Variants in RUNX1 observed in about 807,000 individuals in gnomAD.
The protein encoded by RUNX1 is runt-related transcription factor 1.
A neutral mutation model predicts 42.8 loss-of-function variants in RUNX1; 19 were observed. The observed-to-expected ratio is 0.44, with a 90% CI of 0.31 to 0.65. The LOEUF (loss-of-function observed/expected upper bound fraction) is 0.65, where lower values mean the gene tolerates loss of function less well. Among genes scored for constraint, RUNX1 ranks in the 30% least tolerant of loss-of-function variants. The probability of loss-of-function intolerance (pLI) is 0.07; values close to 1 mark genes in which losing one functional copy is unlikely to be tolerated. For synonymous variants in RUNX1, 271 were observed against 289.4 expected (o/e 0.94, Z 0.64); for missense variants, 528 against 672.0 (o/e 0.79, Z 2.37).
intron 2 of RUNX1, among the ~76,000 whole-genome samples, chr21:35,042,942 A>ATCAT (rs2059369860): frequency 6.6e-6 from 1 of 152,184 alleles, no homozygotes; most frequent in Non-Finnish European, 1.5e-5. Flanking sequence ...CCTTTCTGGC[A>ATCAT]TCATTACTCA....
At chr21:34,931,370 ATATATAATATATACATG>A (rs1488329048) in intron 2 of RUNX1, among the ~76,000 whole-genome samples, 6 of 146,666 alleles carry the variant, frequency 4.1e-5, no homozygotes, top group South Asian at 2.1e-4. Context: ...ATATATGTGT[ATATATAATATATACATG>A]TATATAATAT....
intron 2 of RUNX1, 63 bp from the exon 3 acceptor site, chr21:34,893,026 CT>C (rs376929893): frequency 0.11 from 82,379 of 735,070 alleles, 1 homozygote; most frequent in South Asian, 0.15. Flanking sequence ...TTTCCCCCGA[CT>C]TTTTTTTTTT....
intron 2 of RUNX1, among the ~76,000 whole-genome samples, chr21:34,975,384 A>C (rs1388644425): frequency 6.6e-6 from 1 of 152,224 alleles, no homozygotes; most frequent in Admixed American, 6.5e-5. Context: ...TTTTCCTGTC[A>C]TTCTTCCCTA....
intron 2 of RUNX1, among the ~76,000 whole-genome samples, chr21:34,953,946 G>A (rs956741395): frequency 1.2e-4 from 18 of 152,362 alleles, no homozygotes; most frequent in Non-Finnish European, 2.6e-4. Flanking sequence ...TGGACTCCAA[G>A]AAGTTGAGCT....
chr21:34,893,031 T>C (rs1437560781), intron 2 of RUNX1, 68 bp from the exon 3 acceptor site: 1 of 1,014,458 alleles, frequency 9.9e-7, no homozygotes, highest in African/African-American at 1.6e-5. Flanking sequence ...CCCGACTTTT[T>C]TTTTTTTGCT....
intron 2 of RUNX1, among the ~76,000 whole-genome samples, chr21:35,007,089 G>C (rs1476157647): frequency 6.6e-6 from 1 of 152,206 alleles, no homozygotes; most frequent in East Asian, 1.9e-4. Flanking sequence ...AGATCTCAAA[G>C]ACTCGGGAAA....
chr21:34,816,044 C>T (rs888125629), intron 7 of RUNX1, among the ~76,000 whole-genome samples: 8 of 152,204 alleles, frequency 5.3e-5, no homozygotes, highest in South Asian at 4.2e-4. Flanking sequence ...CCAGGCTCTC[C>T]CCCCAGGTTC....
intron 3 of RUNX1, among the ~76,000 whole-genome samples, chr21:34,890,467 C>G (rs75009210): frequency 0.018 from 2,742 of 152,290 alleles, 36 homozygotes; most frequent in Non-Finnish European, 0.026. Flanking sequence ...CTGTGCGGCC[C>G]GGTCGGGGTC....
intron 3 of RUNX1, among the ~76,000 whole-genome samples, chr21:34,891,856 A>T (rs1298739789): frequency 1.3e-5 from 2 of 152,236 alleles, no homozygotes; most frequent in Non-Finnish European, 2.9e-5. Flanking sequence ...GGATTTAAAA[A>T]GTACTGCTTG....
chr21:35,040,680 G>A (rs1221813631), intron 2 of RUNX1, among the ~76,000 whole-genome samples: 2 of 150,532 alleles, frequency 1.3e-5, no homozygotes, highest in Admixed American at 6.6e-5. Flanking sequence ...GCTGAGGCAG[G>A]AGAATGGCTG....
chr21:35,033,739 T>C (rs1010911814), intron 2 of RUNX1, among the ~76,000 whole-genome samples: 9 of 152,194 alleles, frequency 5.9e-5, no homozygotes, highest in African/African-American at 2.2e-4. Context: ...CTAAATGTAT[T>C]ATCTATAGGT....
chr21:35,027,722 A>G (rs998862771), intron 2 of RUNX1, among the ~76,000 whole-genome samples: 5 of 152,206 alleles, frequency 3.3e-5, no homozygotes, highest in African/African-American at 1.2e-4. Context: ...GCAAATAAAT[A>G]TAAACACACA....
rs2058175123 is a variant in RUNX1, at chr21:34,901,258, TCCCAGCA to T, written c.59-8302_59-8296del. Among the ~76,000 whole-genome samples the T allele has an allele frequency of 6.6e-6, 1 of 151,944 alleles. No homozygotes were observed. The highest frequency in any genetic ancestry group is 2.1e-4 in the South Asian group (1 of 4,796). ...TGGTCACGGTGGGTCACGCCTGTAA[TCCCAGCA>T]CTTTGGGAGGCAGAGGCGGGTGGAT... is the stretch of plus-strand genomic sequence containing the variant. On this transcript the variant is annotated intron_variant, in intron 2 of 8. Transcript: ENST00000675419. This position sits in a 1 kb window ranked among gnomAD's most constrained non-coding sequence, Gnocchi z 4.3.
rs1338464018 is a variant in RUNX1, at chr21:34,792,818, A to C, written c.968-208T>G. On this transcript the variant is annotated intron_variant, in intron 8 of 8. Transcript: ENST00000675419. This position sits in a 1 kb window ranked among gnomAD's most constrained non-coding sequence, Gnocchi z 6.9. Reference sequence around the variant, plus strand: ...TACCCAGGATGCTATACCCAGGGGGACAGGGACCACCCAGGATGCCACCTC... The same window carrying C: ...TACCCAGGATGCTATACCCAGGGGGCCAGGGACCACCCAGGATGCCACCTC... Among the ~76,000 whole-genome samples the C allele has an allele frequency of 6.7e-6, 1 of 150,178 alleles. No homozygotes were observed. The highest frequency in any genetic ancestry group is 1.5e-5 in the Non-Finnish European group (1 of 67,560).
At position 34,907,153 on chromosome 21, in the gene RUNX1, T is replaced by C. The variant is rs2058227645; in HGVS notation, c.59-14190A>G. 1.3e-5 allele frequency among the ~76,000 whole-genome samples: 2 copies of C among 152,004 alleles called. No homozygotes were observed. The highest frequency in any genetic ancestry group is 4.1e-4 in the South Asian group (2 of 4,836). On this transcript the variant is annotated intron_variant, in intron 2 of 8. Coordinates refer to ENST00000675419, the MANE Select transcript of RUNX1 (RefSeq NM_001754.5). This position sits in a 1 kb window ranked among gnomAD's most constrained non-coding sequence, Gnocchi z 5.3. The stretch of plus-strand genomic sequence containing the variant: ...CTTGACTCTAAGGACAGCACTTTCC[T>C]GGTGTACAGTCTTTGGGGGCTCTTG...
At chr21:34,849,393 ATATAT>A (rs2057378055) in intron 6 of RUNX1, among the ~76,000 whole-genome samples, 1 of 45,788 alleles carries the variant, frequency 2.2e-5, no homozygotes, top group African/African-American at 8.6e-5. Flanking sequence ...AGTATATATA[ATATAT>A]TATACTATAT....
intron 2 of RUNX1, among the ~76,000 whole-genome samples, chr21:35,016,917 G>A (rs539170139): frequency 6.6e-6 from 1 of 151,962 alleles, no homozygotes; most frequent in African/African-American, 2.4e-5. Context: ...CTGATACAGA[G>A]TAGCCAAGGC....
At chr21:35,031,024 C>G (rs1205799683) in intron 2 of RUNX1, among the ~76,000 whole-genome samples, 1 of 152,200 alleles carries the variant, frequency 6.6e-6, no homozygotes, top group Non-Finnish European at 1.5e-5. Flanking sequence ...TGAGCTATCA[C>G]CTCACACCTG....
intron 2 of RUNX1, among the ~76,000 whole-genome samples, chr21:34,972,457 A>G (rs1282328321): frequency 6.6e-6 from 1 of 152,236 alleles, no homozygotes; most frequent in Admixed American, 6.5e-5. Context: ...ATTGCCCTAT[A>G]CAGCAAACAA....
Sources: allele counts gnomAD v4.1 joint callset (sites outside exome capture counted in the v4.1 genomes callset), GRCh38; gene constraint gnomAD v4.1.1; non-coding constraint Gnocchi (gnomAD v3.1); transcripts MANE v1.5; gene names NCBI Gene and HGNC (gene_info 2026-07-23, HGNC 2026-07-21).